Variants in ITPA observed in about 807,000 individuals in gnomAD.
ITPA encodes inosine triphosphatase, also known as inosine triphosphate pyrophosphatase.
A neutral mutation model predicts 29.6 loss-of-function variants in ITPA; 29 were observed. The observed-to-expected ratio is 0.98, with a 90% CI of 0.73 to 1.34. The LOEUF (loss-of-function observed/expected upper bound fraction) is 1.34. Ranked by LOEUF, ITPA falls within the 40% of genes most tolerant of loss-of-function variation. The probability of loss-of-function intolerance (pLI) is 0.00; values close to 1 mark genes in which losing one functional copy is unlikely to be tolerated. For synonymous variants in ITPA, 103 were observed against 99.3 expected (o/e 1.04, Z -0.22); for missense variants, 241 against 251.5 (o/e 0.96, Z 0.28).
chr20:3,222,288 T>G (rs1378062878), intron 7 of ITPA, among the ~76,000 whole-genome samples: 1 of 151,110 alleles, frequency 6.6e-6, no homozygotes, highest in Non-Finnish European at 1.5e-5. Flanking sequence ...AACGGCGTGA[T>G]CTCAACTCAC....
chr20:3,221,638 G>A lies in ITPA; in HGVS notation c.412-203G>A, dbSNP rs1263012042. On this transcript the variant is annotated intron_variant, in intron 6 of 7. Transcript: ENST00000380113. ...TCCTGTGGGTCCATGCCTCCTCCCT[G>A]TGTGTGAGGGAAGAGCTGCCCCGCT... 6.1e-6 allele frequency: 4 copies of A among 652,960 alleles called. No homozygotes were observed. The Admixed American group carries it at 8.4e-5, about 14-fold the overall frequency. The allele number at this position is 652,960 out of a possible 1,614,324, so 40.4% of individuals were successfully genotyped here.
intron 6 of ITPA, among the ~76,000 whole-genome samples, chr20:3,221,007 C>G (rs558277841): frequency 2.0e-5 from 3 of 152,018 alleles, no homozygotes; most frequent in African/African-American, 7.2e-5. Flanking sequence ...GCAGTCTTCC[C>G]ACCAGGTAGC....
At chr20:3,204,556 GC>G, upstream of ITPA, 1 of 1,573,988 alleles carries the variant, frequency 6.4e-7, no homozygotes, top group South Asian at 1.1e-5. Flanking sequence ...CCCGGCCCCG[GC>G]TGCGAGTCAG....
chr20:3,212,971 G>A lies in ITPA; in HGVS notation c.67-198G>A, dbSNP rs6084306. Among the ~76,000 whole-genome samples, 17,910 of 151,946 alleles carry A rather than the reference G, an allele frequency of 0.12. 1,328 individuals are homozygous for A. Among genetic ancestry groups the A allele is most frequent in the Non-Finnish European group, 0.16 (11,067 of 67,968 alleles). ...ACAAGCAGAGACCTGACGTAGAAGA[G>A]ATAGAGAAGCAAGGAGATGGAAGGG... On this transcript the variant is annotated intron_variant, in intron 1 of 7. Transcript: ENST00000380113.
At chr20:3,213,017 C>T (rs1383247704) in intron 1 of ITPA, 152 bp from the exon 2 acceptor site, 1 of 771,628 alleles carries the variant, frequency 1.3e-6, no homozygotes, top group African/African-American at 1.7e-5. Context: ...TGGGGTGGGA[C>T]CCTGAAAGCC....
At chr20:3,212,343 G>A (rs1429064016) in intron 1 of ITPA, among the ~76,000 whole-genome samples, 3 of 148,766 alleles carry the variant, frequency 2.0e-5, no homozygotes, top group East Asian at 3.9e-4. Flanking sequence ...TTTTTGAGAC[G>A]GAGTCTCACT....
intron 6 of ITPA, 75 bp from the exon 7 acceptor site, chr20:3,221,766 T>G (rs546154862): frequency 7.2e-7 from 1 of 1,380,492 alleles, no homozygotes; most frequent in East Asian, 2.3e-5. Context: ...CTCACCAAAC[T>G]CATACTGGCC....
intron 7 of ITPA, 21 bp from the exon 8 acceptor site, chr20:3,223,345 G>A: frequency 6.3e-7 from 1 of 1,594,384 alleles, no homozygotes. Flanking sequence ...GGCTCCCTGA[G>A]CTGCTACTGT....
upstream of ITPA, among the ~76,000 whole-genome samples, chr20:3,205,343 G>GGGGAA (rs1321083308): frequency 4.0e-5 from 6 of 151,276 alleles, no homozygotes; most frequent in African/African-American, 1.5e-4. Context: ...TTTCTTTTGA[G>GGGGAA]GGGAAGGGGA....
intron 5 of ITPA, among the ~76,000 whole-genome samples, chr20:3,218,299 G>A (rs2067363076): frequency 6.6e-6 from 1 of 152,184 alleles, no homozygotes. Flanking sequence ...ATAAAGCCTT[G>A]TATCGTCAGC....
At position 3,216,093 on chromosome 20, in the gene ITPA, C is replaced by T. The variant is rs113021367; in HGVS notation, c.295+781C>T. 2.8e-4 allele frequency among the ~76,000 whole-genome samples: 43 copies of T among 151,668 alleles called. 1 individual carries two copies. Among genetic ancestry groups the T allele is most frequent in the Admixed American group, 1.4e-3 (22 of 15,226 alleles). ...GCAACCTCTGCCTCCCTGGTTCAAGCGATCCTCCTGCCTCAGCCTCCCAAG... is the reference window on the plus strand; with the variant it reads ...GCAACCTCTGCCTCCCTGGTTCAAGTGATCCTCCTGCCTCAGCCTCCCAAG... On this transcript the variant is annotated intron_variant, in intron 5 of 7. Coordinates refer to ENST00000380113, the MANE Select transcript of ITPA (RefSeq NM_033453.4).
rs977428638 is a variant in ITPA at position 3,223,619 on chromosome 20, G to A, written c.*157G>A. The A allele has an allele frequency of 3.0e-6, 2 of 661,406 alleles. No individual in the cohort carries two copies. The highest frequency in any genetic ancestry group is 3.6e-5 in the African/African-American group (2 of 56,210). The allele number at this position is 661,406 out of a possible 1,614,324, so 41.0% of individuals were successfully genotyped here. On this transcript the variant is annotated 3_prime_UTR_variant, in exon 8 of 8. Coordinates refer to ENST00000380113, the MANE Select transcript of ITPA (RefSeq NM_033453.4). The stretch of plus-strand genomic sequence containing the variant: ...CACCGGCCTGTCTGGAGGAGCAGCT[G>A]GCTCTGCTCTGAGAAACTCTGGCAA...
chr20:3,206,370 AGAGT>A (rs1279923391), upstream of ITPA, among the ~76,000 whole-genome samples: 1 of 138,030 alleles, frequency 7.2e-6, no homozygotes, highest in Non-Finnish European at 1.5e-5. Flanking sequence ...CCTGGGCAAC[AGAGT>A]GAGACTCAGT....
upstream of ITPA, chr20:3,204,700 C>A (rs564313697): frequency 2.1e-6 from 3 of 1,433,772 alleles, no homozygotes; most frequent in East Asian, 7.5e-5. Context: ...CCCTATTTCC[C>A]AATCTAGACT....
intron 6 of ITPA, among the ~76,000 whole-genome samples, chr20:3,219,400 G>A (rs6139033): frequency 0.24 from 36,833 of 151,400 alleles, 5,457 homozygotes; most frequent in South Asian, 0.5. Context: ...CTTGAGCCCA[G>A]GTGTTCAAGA....
At chr20:3,223,931 GA>G (rs2067531001), downstream of ITPA, 1 of 203,048 alleles carries the variant, frequency 4.9e-6, no homozygotes, top group Non-Finnish European at 1.0e-5. Flanking sequence ...TGGGGGTGGG[GA>G]TGGGGACACG....
rs185352991 is a variant in ITPA at position 3,211,735 on chromosome 20, C to T, written c.67-1434C>T. ...CTCGAACTCCCGACCTCAGGTGATC[C>T]GCCCGCCAGGGCCTCCCGAAGTGTT... On this transcript the variant is annotated intron_variant, in intron 1 of 7. Transcript: ENST00000380113. Among the ~76,000 whole-genome samples, 10 of 152,250 alleles carry T rather than the reference C, an allele frequency of 6.6e-5. No homozygotes were observed. The South Asian group carries it at 1.0e-3, about 16-fold the overall frequency.
chr20:3,204,477 A>T (rs11697186), upstream of ITPA: 116,700 of 1,507,878 alleles, frequency 0.077, 5,062 homozygotes, highest in East Asian at 0.16. Flanking sequence ...GACGGTCCAC[A>T]AAGGCTCAGA....
At chr20:3,213,580 A>G (rs1323050821) in intron 3 of ITPA, among the ~76,000 whole-genome samples, 197 bp downstream of exon 3, 1 of 152,106 alleles carries the variant, frequency 6.6e-6, no homozygotes, top group Non-Finnish European at 1.5e-5. Context: ...TATCTCCCCC[A>G]GACCACCACC....
Sources: allele counts gnomAD v4.1 joint callset (sites outside exome capture counted in the v4.1 genomes callset), GRCh38; gene constraint gnomAD v4.1.1; transcripts MANE v1.5; gene names NCBI Gene and HGNC (gene_info 2026-07-23, HGNC 2026-07-21).